The following INTS7 variants were observed in gnomAD, a reference collection of about 807,000 sequenced individuals.
INTS7 encodes the protein chromosome 1 open reading frame 73.
In INTS7, 46 loss-of-function variants were observed where a neutral mutation model predicts 109.2. That is an observed-to-expected ratio of 0.42 (90% CI 0.33 to 0.54). The LOEUF is 0.54. Among genes scored for constraint, INTS7 ranks in the 20% least tolerant of loss-of-function variants. The pLI is 0.07. For missense variants in INTS7, 929 were observed against 1,132.4 expected, an observed-to-expected ratio of 0.82 and a Z score of 2.58; for synonymous variants, 412 against 402.9, an observed-to-expected ratio of 1.02 and a Z score of -0.27.
Position 211,981,209 on chromosome 1 carries a change from A to C in INTS7, c.1133-19T>G. 6.6e-7 allele frequency: 1 copy of C among 1,505,548 alleles called. No individual in the cohort carries two copies. 93.3% of individuals were successfully genotyped at this position (1,505,548 alleles called of 1,614,324 possible). On this transcript the variant is annotated intron_variant, in intron 9 of 19. Coordinates refer to ENST00000366994, the MANE Select transcript of INTS7 (RefSeq NM_015434.4). ...AAAAGATCTAGAAGAAAAACAGTAA[A>C]CTTTATGATGGTCAAGTGATGTGTG...
rs770713738 is a variant in INTS7, at chr1:211,988,029, T to C, written c.880-26A>G. ...CTGGAATGCAGAAGAGAAATGAATA[T>C]AGAAGTTAAAACATCAATATACTTC... On this transcript the variant is annotated intron_variant, in intron 7 of 19. Transcript: ENST00000366994. The C allele has an allele frequency of 7.4e-6, 9 of 1,218,882 alleles. No homozygotes were observed. In the East Asian group the frequency reaches 9.4e-5, roughly 13 times the overall value. The allele number at this position is 1,218,882 out of a possible 1,614,324, so 75.5% of individuals were successfully genotyped here.
intron 5 of INTS7, among the ~76,000 whole-genome samples, chr1:212,009,114 C>G (rs771580860): frequency 4.6e-5 from 7 of 152,124 alleles, no homozygotes; most frequent in Non-Finnish European, 8.8e-5. Context: ...ACAAAAGTGG[C>G]TTAAAACCAA....
At chr1:211,954,171 T>C (rs1663247582) in intron 16 of INTS7, among the ~76,000 whole-genome samples, 1 of 152,260 alleles carries the variant, frequency 6.6e-6, no homozygotes, top group Non-Finnish European at 1.5e-5. Context: ...CATTTTTTCA[T>C]GTGTTTTTTG....
At chr1:212,010,570 G>A (rs1666124307) in intron 5 of INTS7, among the ~76,000 whole-genome samples, 1 of 152,150 alleles carries the variant, frequency 6.6e-6, no homozygotes, top group African/African-American at 2.4e-5. Context: ...ATGCTTTGGT[G>A]AATGATGGAC....
At chr1:211,960,511 C>G (rs138163559) in intron 16 of INTS7, among the ~76,000 whole-genome samples, 20 of 152,060 alleles carry the variant, frequency 1.3e-4, no homozygotes, top group Admixed American at 1.1e-3. Context: ...TGAAGATCAT[C>G]AAGAAGGAGG....
intron 11 of INTS7, among the ~76,000 whole-genome samples, chr1:211,977,893 A>G (rs1664489627): frequency 6.7e-6 from 1 of 149,802 alleles, no homozygotes; most frequent in Non-Finnish European, 1.5e-5. Context: ...TCTATTTTCT[A>G]AAGTACAAAA....
chr1:212,019,143 C>T (rs185384474), intron 3 of INTS7, among the ~76,000 whole-genome samples: 4 of 152,008 alleles, frequency 2.6e-5, no homozygotes, highest in Non-Finnish European at 2.9e-5. Flanking sequence ...CCCAGCTACT[C>T]GGGAGGCTGA....
intron 1 of INTS7, among the ~76,000 whole-genome samples, chr1:212,031,278 A>G (rs1338132795): frequency 6.6e-6 from 1 of 152,244 alleles, no homozygotes; most frequent in African/African-American, 2.4e-5. Context: ...AATCATCAGG[A>G]TAACCTTCCA....
chr1:211,971,395 TC>T (rs1267448251), intron 13 of INTS7, among the ~76,000 whole-genome samples: 1 of 152,188 alleles, frequency 6.6e-6, no homozygotes, highest in Non-Finnish European at 1.5e-5. Context: ...AAAATGCTTA[TC>T]AACACTATAG....
chr1:212,022,355 G>T (rs939162819), intron 1 of INTS7, among the ~76,000 whole-genome samples: 2 of 152,166 alleles, frequency 1.3e-5, no homozygotes, highest in East Asian at 3.8e-4. Flanking sequence ...AAAAGACACT[G>T]TTAAGAAGAC....
chr1:211,960,764 A>G (rs989066958), intron 16 of INTS7, among the ~76,000 whole-genome samples: 1 of 152,106 alleles, frequency 6.6e-6, no homozygotes, highest in Non-Finnish European at 1.5e-5. Flanking sequence ...TAGAGAAAAA[A>G]CACTTTGGGA....
At chr1:211,991,496 C>A (rs1426786151) in intron 7 of INTS7, among the ~76,000 whole-genome samples, 1 of 152,214 alleles carries the variant, frequency 6.6e-6, no homozygotes, top group East Asian at 1.9e-4. Flanking sequence ...GATGAGAGAA[C>A]AGTAGGCGGG....
At chr1:212,007,946 G>C (rs930579813) in intron 5 of INTS7, among the ~76,000 whole-genome samples, 1 of 152,064 alleles carries the variant, frequency 6.6e-6, no homozygotes, top group Non-Finnish European at 1.5e-5. Context: ...TTGCATACAC[G>C]ACTGGATCCA....
chr1:212,005,910 A>C (rs1665886300), intron 7 of INTS7, among the ~76,000 whole-genome samples: 2 of 152,084 alleles, frequency 1.3e-5, no homozygotes, highest in Non-Finnish European at 2.9e-5. Context: ...GAAAACAACA[A>C]ACAAACAAAC....
chr1:212,013,812 C>G (rs1666273299), intron 4 of INTS7, among the ~76,000 whole-genome samples: 1 of 152,190 alleles, frequency 6.6e-6, no homozygotes, highest in South Asian at 2.1e-4. Context: ...CCTGGGGCAA[C>G]AGGCTATACC....
Position 211,985,095 on chromosome 1 carries a change from A to T in INTS7, c.998-2285T>A, listed in dbSNP as rs1010249365. The stretch of plus-strand genomic sequence containing the variant: ...GAAAGTCTGGGTTATCTGTAATTTA[A>T]TGAGTATTTCCAAATCATCTATGTA... On this transcript the variant is annotated intron_variant, in intron 8 of 19. Transcript: ENST00000366994. Among the ~76,000 whole-genome samples, 7 of 152,320 alleles carry T rather than the reference A, an allele frequency of 4.6e-5. No individual in the cohort carries two copies. In the South Asian group the frequency reaches 6.2e-4, roughly 14 times the overall value.
At chr1:211,964,906 C>T (rs1324944102) in intron 16 of INTS7, among the ~76,000 whole-genome samples, 1 of 152,130 alleles carries the variant, frequency 6.6e-6, no homozygotes, top group African/African-American at 2.4e-5. Flanking sequence ...GCAAGGATTT[C>T]ATGACAAAGA....
At position 211,961,376 on chromosome 1, in the gene INTS7, C is replaced by A. The variant is rs534812347; in HGVS notation, c.2183+5054G>T. 2.0e-5 allele frequency among the ~76,000 whole-genome samples: 3 copies of A among 151,766 alleles called. No homozygotes were observed. In the South Asian group the frequency reaches 6.2e-4, roughly 32 times the overall value. ...AAGTCCATCAGACTTAACAGCAGAC[C>A]CCTTTGAGCAGAAACCCTACAAGCC... On this transcript the variant is annotated intron_variant, in intron 16 of 19. Transcript: ENST00000366994.
intron 13 of INTS7, among the ~76,000 whole-genome samples, chr1:211,972,710 G>C (rs1293713173): frequency 1.3e-5 from 2 of 152,186 alleles, no homozygotes; most frequent in Admixed American, 1.3e-4. Context: ...AGATCATTCT[G>C]AGTGAATCGG....
Sources: allele counts gnomAD v4.1 joint callset (sites outside exome capture counted in the v4.1 genomes callset), GRCh38; gene constraint gnomAD v4.1.1; transcripts MANE v1.5; gene names NCBI Gene and HGNC (gene_info 2026-07-23, HGNC 2026-07-21).